The following ABCA10 variants were observed in gnomAD, a reference collection of about 807,000 sequenced individuals.
The protein encoded by ABCA10 is ATP-binding cassette sub-family A member 10.
Under a neutral mutation model 187.5 loss-of-function variants are expected in ABCA10, and 169 were observed. The observed-to-expected ratio is 0.90, with a 90% CI of 0.80 to 1.02. The LOEUF (loss-of-function observed/expected upper bound fraction) is 1.02, where lower values mean the gene tolerates loss of function less well. Ranked by LOEUF, ABCA10 falls within the 50% of genes least tolerant of loss-of-function variation. The probability of loss-of-function intolerance (pLI) is 0.00; values close to 1 mark genes in which losing one functional copy is unlikely to be tolerated. For missense variants in ABCA10, 1,727 were observed against 1,812.4 expected (o/e 0.95, Z 0.86); for synonymous variants, 574 against 601.8 (o/e 0.95, Z 0.68).
chr17:69,225,260 A>G (rs2074784596), intron 3 of ABCA10, 65 bp downstream of exon 3: 1 of 1,569,942 alleles, frequency 6.4e-7, no homozygotes, highest in African/African-American at 1.4e-5. Flanking sequence ...AGTAAATTCA[A>G]CCTGCAAAAA....
At chr17:69,202,803 A>G (rs1256343731) in intron 9 of ABCA10, among the ~76,000 whole-genome samples, 1 of 152,182 alleles carries the variant, frequency 6.6e-6, no homozygotes, top group East Asian at 1.9e-4. Context: ...AGAGAATACA[A>G]GTGCAGATCT....
At chr17:69,151,514 A>G (rs764173272) in intron 36 of ABCA10, among the ~76,000 whole-genome samples, 12 of 152,198 alleles carry the variant, frequency 7.9e-5, no homozygotes, top group Non-Finnish European at 1.2e-4. Context: ...ATTCAGCCTC[A>G]TTCTGCTATT....
At chr17:69,177,724 C>T (rs2074344229) in intron 22 of ABCA10, among the ~76,000 whole-genome samples, 2 of 151,476 alleles carry the variant, frequency 1.3e-5, no homozygotes, top group African/African-American at 4.8e-5. Flanking sequence ...GAGGCTGAGG[C>T]GGGTGGATCA....
At chr17:69,206,987 T>C (rs919433170) in intron 9 of ABCA10, among the ~76,000 whole-genome samples, 4 of 152,076 alleles carry the variant, frequency 2.6e-5, no homozygotes, top group African/African-American at 9.7e-5. Context: ...TAGAAAATAT[T>C]TGCAAATGAT....
In ABCA10 at chr17:69,187,675, A is replaced by G; in HGVS notation, c.2330+6T>C. On this transcript the variant is annotated splice_donor_region_variant and intron_variant, in intron 19 of 38. Coordinates refer to ENST00000690296, the MANE Select transcript of ABCA10 (RefSeq NM_001377321.1). ...CCAAATAGATATAAAGTAATCTGATACTCACAAACACAAAAGAGCTCTCCT... is the reference window on the plus strand; with the variant it reads ...CCAAATAGATATAAAGTAATCTGATGCTCACAAACACAAAAGAGCTCTCCT... The G allele has an allele frequency of 6.2e-7, 1 of 1,612,536 alleles. No individual in the cohort carries two copies. The highest frequency in any genetic ancestry group is 8.5e-7 in the Non-Finnish European group (1 of 1,178,850).
In ABCA10 at chr17:69,155,018, C is replaced by T. The variant is rs146573339; in HGVS notation, c.3694+1G>A. ...ATAATAAAAGGAACAATTGTTCAAA[C>T]CTTTTTTAACACAAAAGGAAACATT... On this transcript the variant is annotated splice_donor_variant, in intron 30 of 38. Transcript: ENST00000690296. LOFTEE classifies it high-confidence loss of function. 1.3e-6 allele frequency: 2 copies of T among 1,571,986 alleles called. No individual in the cohort carries two copies. The highest frequency in any genetic ancestry group is 1.7e-4 in the Middle Eastern group (1 of 5,980).
At chr17:69,204,337 T>C (rs1300908011) in intron 9 of ABCA10, among the ~76,000 whole-genome samples, 1 of 152,160 alleles carries the variant, frequency 6.6e-6, no homozygotes, top group South Asian at 2.1e-4. Flanking sequence ...GGAAAGGATA[T>C]AGAAAGGAAG....
chr17:69,227,331 T>G (rs1389619848), intron 1 of ABCA10, 46 bp from the exon 2 acceptor site: 1 of 151,996 alleles, frequency 6.6e-6, no homozygotes, highest in Non-Finnish European at 1.5e-5. Context: ...AGAAAGCCTT[T>G]GAACATTTTG....
chr17:69,193,510 T>C lies in ABCA10; in HGVS notation c.1624A>G (p.Ile542Val). 1.9e-6 allele frequency: 3 copies of C among 1,613,376 alleles called. No homozygotes were observed. Among genetic ancestry groups the C allele is most frequent in the South Asian group, 1.1e-5 (1 of 90,860 alleles). Reference protein sequence around the residue: ...QKRKLTLGIAILGDPQVLLLD... With the variant: ...QKRKLTLGIAVLGDPQVLLLD... ...TCTCTCACCTGAGGATCTCCTAAGA[T>C]GGCAATCCCTAGTGTTAGTTTTCTC... is the stretch of plus-strand genomic sequence containing the variant. Residue 542 changes from isoleucine to valine, a missense_variant, in exon 14 of 39, where the codon ATC becomes GTC. Physicochemically the swap from Ile to Val is conservative, Grantham distance 29. Transcript: ENST00000690296.
chr17:69,213,453 A>AG (rs1221227520), intron 9 of ABCA10, among the ~76,000 whole-genome samples: 1 of 152,074 alleles, frequency 6.6e-6, no homozygotes, highest in Non-Finnish European at 1.5e-5. Context: ...TTATGTTCCC[A>AG]GGGGAATTAT....
At chr17:69,209,456 A>C (rs1326613001) in intron 9 of ABCA10, among the ~76,000 whole-genome samples, 1 of 152,226 alleles carries the variant, frequency 6.6e-6, no homozygotes, top group East Asian at 1.9e-4. Flanking sequence ...TGCCAGTAAG[A>C]AGCATAGGGA....
chr17:69,150,027 C>T lies in ABCA10; in HGVS notation c.4434G>A (p.Glu1478=). The change falls in exon 37 of 39, where the codon GAG becomes GAA. Residue 1478 remains glutamate, a synonymous_variant. Transcript: ENST00000690296. ...SSLMAYKLPV[E]DVHPLSRAFF... is the part of the protein sequence containing the mutation. ...AGGCCCGAGATAGAGGGTGGACATC[C>T]TCCACAGGTAACTTATACGCCATTA... 1.2e-6 allele frequency: 2 copies of T among 1,613,170 alleles called. No individual in the cohort carries two copies. The highest frequency in any genetic ancestry group is 1.7e-6 in the Non-Finnish European group (2 of 1,179,410).
At chr17:69,151,119 T>A (rs2074124650) in intron 36 of ABCA10, among the ~76,000 whole-genome samples, 1 of 152,168 alleles carries the variant, frequency 6.6e-6, no homozygotes. Flanking sequence ...CAGGTCTACA[T>A]CTCTTACTTT....
chr17:69,227,988 C>T (rs2074806848), intron 1 of ABCA10, among the ~76,000 whole-genome samples: 1 of 151,918 alleles, frequency 6.6e-6, no homozygotes, highest in Non-Finnish European at 1.5e-5. Flanking sequence ...GGTGTCACAA[C>T]TATGACTACT....
rs16973656 is a variant in ABCA10 at position 69,153,977 on chromosome 17, C to T, written c.3819G>A (p.Arg1273=). The change falls in exon 32 of 39, where the codon AGG becomes AGA. Residue 1273 remains arginine, a synonymous_variant. Transcript: ENST00000690296. The part of the protein sequence containing the change: ...VVLQGSRASV[R]QQHDNSLKFL... ...ACTTGAGGCTGTTGTCATGCTGTTG[C>T]CTTACTGATGCTCTGCTGCCTTGTA... is the stretch of plus-strand genomic sequence containing the variant. The T allele has an allele frequency of 0.061, 99,141 of 1,613,830 alleles. 3,752 individuals carry two copies. Among genetic ancestry groups the T allele is most frequent in the Admixed American group, 0.16 (9,736 of 59,984 alleles).
At chr17:69,153,703 G>A (rs1039980551) in intron 32 of ABCA10, 128 bp downstream of exon 32, 1 of 1,435,802 alleles carries the variant, frequency 7.0e-7, no homozygotes, top group South Asian at 1.4e-5. Flanking sequence ...TTCTTATTCA[G>A]GTATTTGAAT....
chr17:69,182,926 A>G, intron 20 of ABCA10, 118 bp from the exon 21 acceptor site: 1 of 1,307,892 alleles, frequency 7.6e-7, no homozygotes, highest in Non-Finnish European at 1.0e-6. Flanking sequence ...ATAGCTTAGT[A>G]AAGAGCCTTG....
In ABCA10 at chr17:69,152,367, C is replaced by T. The variant is rs561722805; in HGVS notation, c.4251G>A (p.Thr1417=). 4.3e-5 allele frequency: 70 copies of T among 1,613,372 alleles called. No individual in the cohort carries two copies. Among genetic ancestry groups the T allele is most frequent in the South Asian group, 1.1e-4 (10 of 90,942 alleles). ...TGGTCAGGACAGGCACCCACCTTAG[C>T]GTTCCTGACACCATCATGGCCATAC... The part of the protein sequence containing the change: ...CDRMAMMVSG[T]LRCIGSIQHL... Residue 1417 remains threonine, a synonymous_variant, in exon 35 of 39, where the codon ACG becomes ACA. Transcript: ENST00000690296.
chr17:69,193,993 TA>T lies in ABCA10; in HGVS notation c.1346-5del. The stretch of plus-strand genomic sequence containing the variant: ...GTATTATAAATAGTGGCTGATCCTA[TA>T]AATAGAAATTTAAAAGGCTTTACTG... On this transcript the variant is annotated splice_polypyrimidine_tract_variant and splice_region_variant and intron_variant, in intron 12 of 38. Coordinates refer to ENST00000690296, the MANE Select transcript of ABCA10 (RefSeq NM_001377321.1). 1.3e-6 allele frequency: 2 copies of T among 1,577,760 alleles called. No individual in the cohort carries two copies. Among genetic ancestry groups the T allele is most frequent in the Non-Finnish European group, 1.7e-6 (2 of 1,159,020 alleles).
Sources: allele counts gnomAD v4.1 joint callset (sites outside exome capture counted in the v4.1 genomes callset), GRCh38; gene constraint gnomAD v4.1.1; transcripts MANE v1.5; gene names NCBI Gene and HGNC (gene_info 2026-07-23, HGNC 2026-07-21).